Variants in NFIC observed in about 807,000 individuals in gnomAD.
NFIC encodes nuclear factor 1 C-type.
Under a neutral mutation model 54.4 loss-of-function variants are expected in NFIC, and 12 were observed. That is an observed-to-expected ratio of 0.22 (90% confidence interval 0.14 to 0.36). The LOEUF (loss-of-function observed/expected upper bound fraction) is 0.36, where lower values mean the gene tolerates loss of function less well. NFIC is among the 10% of genes least tolerant of loss of function. The pLI is 1.00. For synonymous variants in NFIC, 322 were observed against 319.2 expected (o/e 1.01, Z -0.09); for missense variants, 575 against 718.2 (o/e 0.80, Z 2.28).
chr19:3,382,311 G>A, intron 2 of NFIC, 68 bp downstream of exon 2: 2 of 1,557,038 alleles, frequency 1.3e-6, no homozygotes. Context: ...CACGGGGCCA[G>A]GAGGGCCTGA....
intron 3 of NFIC, among the ~76,000 whole-genome samples, chr19:3,429,484 G>C (rs749980974): frequency 1.3e-5 from 2 of 152,134 alleles, no homozygotes; most frequent in African/African-American, 2.4e-5. Flanking sequence ...CCAGCTACTT[G>C]GGAGGCTGAG....
chr19:3,375,499 G>A lies in NFIC; in HGVS notation c.31-6213G>A, dbSNP rs879919098. Among the ~76,000 whole-genome samples the A allele has an allele frequency of 1.3e-5, 2 of 152,216 alleles. No individual in the cohort carries two copies. Among genetic ancestry groups the A allele is most frequent in the South Asian group, 2.1e-4 (1 of 4,834 alleles). ...GTCTCATCCAGTCAGGGGCAGGGACGAGATTGGACAGGGCCTGGGCCGGGC... is the reference window on the plus strand; with the variant it reads ...GTCTCATCCAGTCAGGGGCAGGGACAAGATTGGACAGGGCCTGGGCCGGGC... On this transcript the variant is annotated intron_variant, in intron 1 of 10. Transcript: ENST00000443272. This position sits in a 1 kb window ranked among gnomAD's most constrained non-coding sequence, Gnocchi z 4.6.
Position 3,438,414 on chromosome 19 carries a change from C to G in NFIC, c.958+3207C>G, listed in dbSNP as rs1292214205. On this transcript the variant is annotated intron_variant, in intron 6 of 10. Coordinates refer to ENST00000443272, the MANE Select transcript of NFIC (RefSeq NM_001245002.2). ...TACCTCAGGGGATGGCAAACTCACT[C>G]CCTCCTGAGGGTTTCTTTTTTTTTT... Among the ~76,000 whole-genome samples the G allele has an allele frequency of 1.9e-4, 28 of 151,326 alleles. No homozygotes were observed. In the Admixed American group the frequency reaches 1.9e-3, roughly 10 times the overall value.
chr19:3,439,418 G>A (rs73523817), intron 6 of NFIC, among the ~76,000 whole-genome samples: 67,573 of 141,278 alleles, frequency 0.48, 18,198 homozygotes, highest in East Asian at 0.76. Context: ...CGAGGCAGGC[G>A]GATCACCTGA....
At chr19:3,416,681 T>C (rs1219680919) in intron 2 of NFIC, among the ~76,000 whole-genome samples, 1 of 151,222 alleles carries the variant, frequency 6.6e-6, no homozygotes, top group Non-Finnish European at 1.5e-5. Context: ...TGTGCCACCG[T>C]GCCCGGCTAA....
intron 2 of NFIC, among the ~76,000 whole-genome samples, chr19:3,395,825 C>T (rs575614282): frequency 7.1e-4 from 108 of 152,130 alleles, no homozygotes; most frequent in African/African-American, 2.5e-3. Context: ...GGATTACAGG[C>T]GCGTGCCACC....
In NFIC at chr19:3,452,775, C is replaced by G; in HGVS notation, c.1269+109C>G. On this transcript the variant is annotated intron_variant, in intron 8 of 10. Transcript: ENST00000443272. The surrounding 1 kb of genome is among the most constrained non-coding windows in gnomAD (Gnocchi z 5.3). ...CCTCTGCTTAAAAGGGTCTTGAGGACTTGGCTCTGAAGTCCCCTCCTCTGT... is the reference window on the plus strand; with the variant it reads ...CCTCTGCTTAAAAGGGTCTTGAGGAGTTGGCTCTGAAGTCCCCTCCTCTGT... 1 of 1,358,894 alleles carries G rather than the reference C, an allele frequency of 7.4e-7. No homozygotes were observed. 84.2% of individuals were successfully genotyped at this position (1,358,894 alleles called of 1,614,324 possible). A position where few individuals can be genotyped will look rare whatever the true frequency, so the allele number is the denominator to read the frequency against.
intron 2 of NFIC, among the ~76,000 whole-genome samples, chr19:3,422,347 T>C (rs112039344): frequency 2.6e-4 from 39 of 151,932 alleles, no homozygotes; most frequent in Non-Finnish European, 1.8e-4. Flanking sequence ...GTGCTGAGAT[T>C]ACAGGCGTGA....
chr19:3,369,232 C>G lies in NFIC; in HGVS notation c.30+2566C>G, dbSNP rs990423207. 6.6e-6 allele frequency among the ~76,000 whole-genome samples: 1 copy of G among 151,866 alleles called. No homozygotes were observed. Among genetic ancestry groups the G allele is most frequent in the East Asian group, 1.9e-4 (1 of 5,182 alleles). ...TTTCTCTGTCTCTGTCTCTCTGCCC[C>G]CTTCCTCTCTGTCTCTGTTTCTCTC... On this transcript the variant is annotated intron_variant, in intron 1 of 10. Transcript: ENST00000443272. This position sits in a 1 kb window ranked among gnomAD's most constrained non-coding sequence, Gnocchi z 4.3.
At chr19:3,451,184 AGAG>A (rs973558331) in intron 7 of NFIC, among the ~76,000 whole-genome samples, 24 of 152,336 alleles carry the variant, frequency 1.6e-4, no homozygotes, top group Admixed American at 1.2e-3. Context: ...ATGCTCAGTA[AGAG>A]AAGCCAGACA....
intron 2 of NFIC, among the ~76,000 whole-genome samples, chr19:3,408,555 C>T (rs1281788306): frequency 6.6e-6 from 1 of 152,176 alleles, no homozygotes. Context: ...AATCCTCGCA[C>T]CTCAGCCTCC....
At chr19:3,433,939 C>A (rs938414812) in intron 4 of NFIC, among the ~76,000 whole-genome samples, 1 of 152,100 alleles carries the variant, frequency 6.6e-6, no homozygotes, top group Non-Finnish European at 1.5e-5. Flanking sequence ...TGCTGGGGAC[C>A]CAGCACATTC....
In NFIC at chr19:3,382,090, C is replaced by T; in HGVS notation, c.409C>T (p.Leu137=). The change falls in exon 2 of 11, where the codon CTG becomes TTG. Residue 137 remains leucine, a synonymous_variant. Transcript: ENST00000443272. ...VWRLDLVMVI[L]FKGIPLESTD... ...GCGGCTGGACCTGGTCATGGTCATC[C>T]TGTTCAAGGGCATCCCGCTGGAGAG... 1.2e-6 allele frequency: 2 copies of T among 1,613,288 alleles called. No individual in the cohort carries two copies. Among genetic ancestry groups the T allele is most frequent in the South Asian group, 1.1e-5 (1 of 91,090 alleles).
chr19:3,427,576 C>T lies in NFIC; in HGVS notation c.634+2399C>T, dbSNP rs554940468. 2.6e-5 allele frequency among the ~76,000 whole-genome samples: 4 copies of T among 152,100 alleles called. No individual in the cohort carries two copies. The South Asian group carries it at 6.2e-4, about 24-fold the overall frequency. On this transcript the variant is annotated intron_variant, in intron 3 of 10. Coordinates refer to ENST00000443272, the MANE Select transcript of NFIC (RefSeq NM_001245002.2). The stretch of plus-strand genomic sequence containing the variant: ...AAGTGCGGTGGCTCACGCCTGTAAT[C>T]CCAGCACTTTGGGAGGCCAAGGCAG...
intron 6 of NFIC, among the ~76,000 whole-genome samples, chr19:3,441,175 C>G (rs537154588): frequency 1.3e-5 from 2 of 152,194 alleles, no homozygotes; most frequent in African/African-American, 2.4e-5. Context: ...AGGTGCCTGG[C>G]AGGCACCTCA....
rs1599739751 is a variant in NFIC, at chr19:3,464,423, A to C, written c.*1654A>C. On this transcript the variant is annotated 3_prime_UTR_variant, in exon 11 of 11. Transcript: ENST00000443272. ...CCACCCCGGCTCCCTGGCCCTATCC[A>C]CACCTCCACCCCCACCCCAGGATCG... 2.1e-6 allele frequency: 2 copies of C among 957,254 alleles called. No individual in the cohort carries two copies. Among genetic ancestry groups the C allele is most frequent in the Admixed American group, 7.4e-5 (1 of 13,452 alleles). 59.3% of individuals were successfully genotyped at this position (957,254 alleles called of 1,614,324 possible). A position where few individuals can be genotyped will look rare whatever the true frequency, so the allele number is the denominator to read the frequency against.
At position 3,464,727 on chromosome 19, in the gene NFIC, A is replaced by G. The variant is rs954902620; in HGVS notation, c.*1958A>G. On this transcript the variant is annotated 3_prime_UTR_variant, in exon 11 of 11. Coordinates refer to ENST00000443272, the MANE Select transcript of NFIC (RefSeq NM_001245002.2). Reference sequence around the variant, plus strand: ...GGCGAACCCGCTCGCTCCTAAAGAGAAAGACCCAGGACCCTCCCCCATCAC... The same window carrying G: ...GGCGAACCCGCTCGCTCCTAAAGAGGAAGACCCAGGACCCTCCCCCATCAC... 2 of 984,930 alleles carry G rather than the reference A, an allele frequency of 2.0e-6. No homozygotes were observed. Among genetic ancestry groups the G allele is most frequent in the Non-Finnish European group, 2.4e-6 (2 of 829,946 alleles). The allele number at this position is 984,930 out of a possible 1,614,324, so 61.0% of individuals were successfully genotyped here.
intron 1 of NFIC, among the ~76,000 whole-genome samples, chr19:3,372,494 A>G (rs2081036934): frequency 6.6e-6 from 1 of 152,204 alleles, no homozygotes; most frequent in Non-Finnish European, 1.5e-5. Flanking sequence ...CTAACAGATC[A>G]AAGCTGTGCC....
intron 9 of NFIC, among the ~76,000 whole-genome samples, chr19:3,454,801 C>A (rs1427783757): frequency 2.0e-5 from 3 of 151,512 alleles, no homozygotes; most frequent in Non-Finnish European, 4.4e-5. Context: ...GGCCACGGTT[C>A]CTTCTAGGTG....
Sources: gnomAD v4.1 joint callset for allele counts (sites outside exome capture counted in the v4.1 genomes callset) on GRCh38, gnomAD v4.1.1 for gene constraint, Gnocchi (gnomAD v3.1) non-coding constraint, MANE v1.5 for transcripts, NCBI Gene and HGNC (gene_info 2026-07-23, HGNC 2026-07-21) for gene names.